PAX6: variants seen among roughly 807,000 people sequenced by gnomAD.
PAX6 encodes paired box protein Pax-6.
In PAX6, 7 loss-of-function variants were observed where a neutral mutation model predicts 60.7. The observed-to-expected ratio is 0.12, with a 90% CI of 0.07 to 0.22. The LOEUF (loss-of-function observed/expected upper bound fraction) is 0.22, where lower values mean the gene tolerates loss of function less well. Ranked by LOEUF, PAX6 falls within the 10% of genes least tolerant of loss-of-function variation. The pLI is 1.00. For missense variants in PAX6, 355 were observed against 555.2 expected, an observed-to-expected ratio of 0.64 and a Z score of 3.62; for synonymous variants, 208 against 201.2, an observed-to-expected ratio of 1.03 and a Z score of -0.29.
chr11:31,797,951 G>T (rs143035630), intron 8 of PAX6, among the ~76,000 whole-genome samples: 4 of 151,814 alleles, frequency 2.6e-5, no homozygotes, highest in African/African-American at 7.3e-5. Flanking sequence ...ACCATCTGAC[G>T]ATGGGAATAG....
upstream of PAX6, among the ~76,000 whole-genome samples, chr11:31,816,084 G>T (rs540892581): frequency 9.2e-5 from 14 of 152,332 alleles, 1 homozygote; most frequent in South Asian, 2.7e-3. Context: ...CCTCAGGCCC[G>T]GCTCTGGCGC....
Position 31,806,252 on chromosome 11 carries a change from C to A in PAX6, c.10+150G>T, listed in dbSNP as rs1433712352. 3.4e-5 allele frequency: 26 copies of A among 757,226 alleles called. No individual in the cohort carries two copies. The East Asian group carries it at 8.1e-4, about 23-fold the overall frequency. The allele number at this position is 757,226 out of a possible 1,614,324, so 46.9% of individuals were successfully genotyped here. ...CGCCCTCCCCTCCCGGGCTGCCGGG[C>A]GCGGAGCGGGGAGCAGCCGCCGCAG... is the stretch of plus-strand genomic sequence containing the variant. On this transcript the variant is annotated intron_variant, in intron 4 of 13. Transcript: ENST00000640368.
At position 31,789,691 on chromosome 11, in the gene PAX6, T is replaced by C. The variant is rs980237683; in HGVS notation, c.*243A>G. The C allele has an allele frequency of 1.4e-6, 1 of 702,612 alleles. No homozygotes were observed. The highest frequency in any genetic ancestry group is 1.5e-5 in the South Asian group (1 of 67,428). The allele number at this position is 702,612 out of a possible 1,614,324, so 43.5% of individuals were successfully genotyped here. On this transcript the variant is annotated 3_prime_UTR_variant, in exon 14 of 14. Transcript: ENST00000640368. The stretch of plus-strand genomic sequence containing the variant: ...CCCATTTACAAATAATACACCAAAA[T>C]GAATAAAAGTTTGGATACCAAAATG...
chr11:31,795,166 C>CT (rs1951132126), intron 8 of PAX6, among the ~76,000 whole-genome samples: 2 of 152,280 alleles, frequency 1.3e-5, no homozygotes, highest in South Asian at 4.2e-4. Flanking sequence ...GAGTGATGTT[C>CT]AAGATTTCAG....
intron 12 of PAX6, chr11:31,792,357 A>G (rs1301867608): frequency 6.6e-6 from 1 of 152,238 alleles, no homozygotes; most frequent in East Asian, 1.9e-4. Context: ...ATAAAAATAA[A>G]CATGTGAATA....
rs111270711 is a variant in PAX6, at chr11:31,806,904, G to A, written c.-107C>T. 1.1e-3 allele frequency: 179 copies of A among 156,912 alleles called. No individual in the cohort carries two copies. The highest frequency in any genetic ancestry group is 1.8e-3 in the Non-Finnish European group (127 of 71,220). The allele number at this position is 156,912 out of a possible 1,614,324, so 9.7% of individuals were successfully genotyped here. On this transcript the variant is annotated 5_prime_UTR_variant, in exon 3 of 14. Coordinates refer to ENST00000640368, the MANE Select transcript of PAX6 (RefSeq NM_001368894.2). ...AATAAAAGGCCTCACACATCTGCGC[G>A]CCCCTAGTTAAAGTCTTCCCCCTAA...
At chr11:31,801,254 A>T (rs982295363) in intron 7 of PAX6, 1 of 1,376,792 alleles carries the variant, frequency 7.3e-7, no homozygotes, top group African/African-American at 1.5e-5. Flanking sequence ...TGGCAGGTGG[A>T]TTAGGACGAA....
intron 1 of PAX6, among the ~76,000 whole-genome samples, chr11:31,817,119 A>G (rs1015623820): frequency 3.3e-5 from 5 of 152,254 alleles, no homozygotes; most frequent in African/African-American, 1.2e-4. Flanking sequence ...CGAGGCAGCC[A>G]GCGCAGCGCC....
intron 12 of PAX6, chr11:31,792,068 C>T (rs981583591): frequency 7.9e-5 from 12 of 152,238 alleles, no homozygotes; most frequent in African/African-American, 2.7e-4. Context: ...GCTATCTTCA[C>T]AGAAACCTGG....
chr11:31,813,422 A>T (rs1202301630), upstream of PAX6, among the ~76,000 whole-genome samples: 2 of 135,276 alleles, frequency 1.5e-5, no homozygotes, highest in Non-Finnish European at 3.1e-5. Context: ...TCCGAACTGG[A>T]GGCGAGTATC....
intron 8 of PAX6, among the ~76,000 whole-genome samples, chr11:31,799,757 C>T (rs1218957553): frequency 6.6e-6 from 1 of 152,180 alleles, no homozygotes; most frequent in African/African-American, 2.4e-5. Context: ...GCGCGCCGCC[C>T]CTGGCCCCGA....
Position 31,789,651 on chromosome 11 carries a change from TATAAC to T in PAX6, c.*278_*282del, listed in dbSNP as rs1949121780. On this transcript the variant is annotated 3_prime_UTR_variant, in exon 14 of 14. Coordinates refer to ENST00000640368, the MANE Select transcript of PAX6 (RefSeq NM_001368894.2). Reference sequence around the variant, plus strand: ...CAGTCTACATTGTTCTTTTTTTCATTATAACATACAAATGCCCATTTACAAATAAT... The same window carrying T: ...CAGTCTACATTGTTCTTTTTTTCATTATACAAATGCCCATTTACAAATAAT... 4 of 699,952 alleles carry T rather than the reference TATAAC, an allele frequency of 5.7e-6. No individual in the cohort carries two copies. Among genetic ancestry groups the T allele is most frequent in the Non-Finnish European group, 1.0e-5 (4 of 383,880 alleles). The allele number at this position is 699,952 out of a possible 1,614,324, so 43.4% of individuals were successfully genotyped here. A position where few individuals can be genotyped will look rare whatever the true frequency, so the allele number is the denominator to read the frequency against.
chr11:31,797,064 A>G (rs932525519), intron 8 of PAX6, among the ~76,000 whole-genome samples: 1 of 152,174 alleles, frequency 6.6e-6, no homozygotes, highest in African/African-American at 2.4e-5. Context: ...GACTGGAAAT[A>G]GCTCCTTTTG....
intron 7 of PAX6, 48 bp downstream of exon 7, chr11:31,801,513 G>C (rs1384406702): frequency 1.2e-6 from 2 of 1,613,316 alleles, no homozygotes; most frequent in African/African-American, 1.3e-5. Flanking sequence ...AAAGAGGAGA[G>C]AGCATTGGGC....
intron 12 of PAX6, chr11:31,793,034 A>G (rs539416441): frequency 3.2e-5 from 18 of 564,550 alleles, no homozygotes; most frequent in Non-Finnish European, 5.7e-5. Flanking sequence ...CACAGATTCT[A>G]TATTTAGCAT....
chr11:31,793,680 G>A lies in PAX6; in HGVS notation c.930C>T (p.Tyr310=), dbSNP rs1268525013. ...PISSSFSTSV[Y]QPIPQPTTPV... ...GTGTGGTGGGTTGTGGAATTGGTTG[G>A]TAGACACTGGTGCTGAAACTACTGC... Residue 310 remains tyrosine (Y), a synonymous_variant, in exon 11 of 14, where the codon TAC becomes TAT. Coordinates refer to ENST00000640368, the MANE Select transcript of PAX6 (RefSeq NM_001368894.2). The A allele has an allele frequency of 1.2e-6, 2 of 1,614,178 alleles. No homozygotes were observed. Among genetic ancestry groups the A allele is most frequent in the Non-Finnish European group, 1.7e-6 (2 of 1,180,020 alleles).
chr11:31,791,253 C>G (rs644242), intron 12 of PAX6: 11 of 355,052 alleles, frequency 3.1e-5, no homozygotes, highest in Admixed American at 7.6e-5. Flanking sequence ...AACCCTATGA[C>G]CCCCAGAGCC....
upstream of PAX6, chr11:31,814,381 C>T (rs1334264419): frequency 1.3e-5 from 2 of 152,380 alleles, no homozygotes; most frequent in Non-Finnish European, 2.9e-5. Context: ...ATCAGGCCTT[C>T]GGGGAGGCAA....
intron 8 of PAX6, among the ~76,000 whole-genome samples, chr11:31,798,220 G>A (rs1476945347): frequency 1.3e-5 from 2 of 151,444 alleles, no homozygotes; most frequent in African/African-American, 4.9e-5. Context: ...GTGGGGTGAG[G>A]GGAGGAGATA....
Sources: gnomAD v4.1 joint callset for allele counts (sites outside exome capture counted in the v4.1 genomes callset) on GRCh38, gnomAD v4.1.1 for gene constraint, MANE v1.5 for transcripts, NCBI Gene and HGNC (gene_info 2026-07-23, HGNC 2026-07-21) for gene names.